SAMHD1: variants seen among roughly 807,000 people sequenced by gnomAD.
SAMHD1 encodes the protein SAM and HD domain containing deoxynucleoside triphosphate triphosphohydrolase 1, also known as deoxynucleoside triphosphate triphosphohydrolase SAMHD1.
A neutral mutation model predicts 79.6 loss-of-function variants in SAMHD1; 54 were observed. That is an observed-to-expected ratio of 0.68 (90% CI 0.55 to 0.85). The LOEUF is 0.85. Ranked by LOEUF, SAMHD1 falls within the 40% of genes least tolerant of loss-of-function variation. SAMHD1 has a pLI of 0.00. For missense variants in SAMHD1, 663 were observed against 782.7 expected (o/e 0.85, Z 1.82); for synonymous variants, 260 against 264.1 (o/e 0.98, Z 0.15).
chr20:36,935,008 C>T, intron 4 of SAMHD1, 21 bp downstream of exon 4: 2 of 1,612,714 alleles, frequency 1.2e-6, no homozygotes, highest in South Asian at 2.2e-5. Flanking sequence ...CTGCAAGTTC[C>T]CCACCCCATT....
chr20:36,919,767 A>T (rs1039840075), intron 6 of SAMHD1, among the ~76,000 whole-genome samples: 5 of 152,058 alleles, frequency 3.3e-5, no homozygotes, highest in Non-Finnish European at 7.3e-5. Flanking sequence ...TGATATAATC[A>T]TTTACAGTTC....
At chr20:36,910,894 TC>T (rs1568766374) in intron 11 of SAMHD1, among the ~76,000 whole-genome samples, 1 of 152,058 alleles carries the variant, frequency 6.6e-6, no homozygotes, top group Non-Finnish European at 1.5e-5. Flanking sequence ...TTTATCAAAG[TC>T]ACTTTATTGG....
In SAMHD1 at chr20:36,892,613, C is replaced by CA. The variant is rs1990103818; in HGVS notation, c.*318dup. The stretch of plus-strand genomic sequence containing the variant: ...TTCGAGTCCAAGCTGGGCAACAGAG[C>CA]AAAACCTTGTCTCTTAAAAAAGAAA... On this transcript the variant is annotated 3_prime_UTR_variant, in exon 16 of 16. Coordinates refer to ENST00000646673, the MANE Select transcript of SAMHD1 (RefSeq NM_015474.4). The CA allele has an allele frequency of 2.8e-6, 1 of 358,654 alleles. No homozygotes were observed. Among genetic ancestry groups the CA allele is most frequent in the African/African-American group, 2.1e-5 (1 of 47,222 alleles). 22.2% of individuals were successfully genotyped at this position (358,654 alleles called of 1,614,324 possible).
At chr20:36,940,775 C>A (rs905868345) in intron 3 of SAMHD1, 30 of 506,596 alleles carry the variant, frequency 5.9e-5, no homozygotes, top group Non-Finnish European at 1.0e-4. Flanking sequence ...AGACTTGAAG[C>A]AAATTAGGCA....
At position 36,912,771 on chromosome 20, in the gene SAMHD1, TTTTTTTA is replaced by T. The variant is rs1291506497; in HGVS notation, c.1063-226_1063-220del. Among the ~76,000 whole-genome samples the T allele has an allele frequency of 7.6e-3, 963 of 126,860 alleles. 33 individuals are homozygous for T. The East Asian group carries it at 0.11, about 15-fold the overall frequency. The allele number at this position is 126,860 out of a possible 152,430, so 83.2% of individuals were successfully genotyped here. On this transcript the variant is annotated intron_variant, in intron 9 of 15. Coordinates refer to ENST00000646673, the MANE Select transcript of SAMHD1 (RefSeq NM_015474.4). ...CTTTCATTTTTTTTTTTTTTTTTTT[TTTTTTTA>T]AAAGATGAGGTCTTGCTATGTTGCT...
chr20:36,897,121 G>A (rs547093590), intron 15 of SAMHD1, among the ~76,000 whole-genome samples: 24 of 152,246 alleles, frequency 1.6e-4, no homozygotes, highest in African/African-American at 5.1e-4. Flanking sequence ...ATAAAGCACC[G>A]ACATCCTGAG....
At chr20:36,926,995 ACTTC>A in intron 6 of SAMHD1, 183 bp downstream of exon 6, 1 of 561,978 alleles carries the variant, frequency 1.8e-6, no homozygotes, top group Non-Finnish European at 3.1e-6. Context: ...GATAACGATA[ACTTC>A]CTTACAGACT....
intron 7 of SAMHD1, among the ~76,000 whole-genome samples, chr20:36,919,112 T>C (rs1394399858): frequency 6.6e-6 from 1 of 152,150 alleles, no homozygotes; most frequent in African/African-American, 2.4e-5. Context: ...CTCCAGCCTG[T>C]GTGACAGAGT....
chr20:36,895,129 C>T (rs1990174549), intron 15 of SAMHD1, among the ~76,000 whole-genome samples: 2 of 152,058 alleles, frequency 1.3e-5, no homozygotes, highest in South Asian at 4.2e-4. Flanking sequence ...TGCTTAAAAC[C>T]CTTCAGTGTC....
At chr20:36,943,757 G>T (rs1423230844) in intron 2 of SAMHD1, among the ~76,000 whole-genome samples, 2 of 152,140 alleles carry the variant, frequency 1.3e-5, no homozygotes, top group African/African-American at 4.8e-5. Flanking sequence ...AGGGGACTTT[G>T]AGAGGACTGA....
At chr20:36,904,484 C>A in intron 12 of SAMHD1, 5 of 456,418 alleles carry the variant, frequency 1.1e-5, no homozygotes, top group Non-Finnish European at 2.0e-5. Context: ...TTTGGGAGGC[C>A]CAGGTGGGCG....
chr20:36,904,585 C>T (rs539020334), intron 12 of SAMHD1: 332 of 331,758 alleles, frequency 1.0e-3, no homozygotes, highest in Non-Finnish European at 1.7e-3. Context: ...GGCGTGGTGG[C>T]GGGTGCCTGT....
intron 5 of SAMHD1, 64 bp downstream of exon 5, chr20:36,930,696 C>T (rs780098117): frequency 3.0e-5 from 33 of 1,083,252 alleles, no homozygotes; most frequent in East Asian, 4.7e-5. Context: ...GATTTTTTAA[C>T]GTCAAAGAGA....
intron 2 of SAMHD1, chr20:36,946,533 G>T: frequency 1.9e-6 from 1 of 513,278 alleles, no homozygotes. Flanking sequence ...GTTGCAGTGA[G>T]CCGAGATACT....
chr20:36,925,748 T>G (rs2063532344), intron 6 of SAMHD1, among the ~76,000 whole-genome samples: 1 of 152,172 alleles, frequency 6.6e-6, no homozygotes, highest in Non-Finnish European at 1.5e-5. Context: ...GAAATAGTAT[T>G]CAACATACAT....
intron 13 of SAMHD1, 152 bp from the exon 14 acceptor site, chr20:36,898,696 G>A (rs1300500398): frequency 1.1e-5 from 7 of 661,400 alleles, no homozygotes; most frequent in Non-Finnish European, 1.9e-5. Flanking sequence ...GGTGAATCAC[G>A]AGGTCAGGAG....
intron 15 of SAMHD1, chr20:36,897,595 T>G: frequency 1.7e-6 from 1 of 582,180 alleles, no homozygotes; most frequent in Non-Finnish European, 3.0e-6. Context: ...TTTTTATTAT[T>G]AGGACAATAA....
At chr20:36,924,909 A>G (rs182511366) in intron 6 of SAMHD1, among the ~76,000 whole-genome samples, 2 of 152,202 alleles carry the variant, frequency 1.3e-5, no homozygotes, top group East Asian at 3.9e-4. Flanking sequence ...CTGTAATCCC[A>G]GCGCTTTGGG....
In SAMHD1 at chr20:36,916,787, G is replaced by A. The variant is rs770005027; in HGVS notation, c.997C>T (p.Arg333Cys). ...CAGACACGGGCAAACTTAATAAAGC[G>A]CTTGTAATCAAAATTATTTTGGATT... The part of the protein sequence containing the change: ...LGIQNNFDYK[R>C]FIKFARVCEV... Residue 333 changes from arginine (R) to cysteine (C), a missense_variant, in exon 9 of 16, where the codon CGC (arginine) becomes TGC (cysteine). Transcript: ENST00000646673. The A allele has an allele frequency of 2.1e-5, 34 of 1,613,866 alleles. No individual in the cohort carries two copies. The highest frequency in any genetic ancestry group is 1.0e-4 in the Admixed American group (6 of 59,976).
Sources: allele counts gnomAD v4.1 joint callset (sites outside exome capture counted in the v4.1 genomes callset), GRCh38; gene constraint gnomAD v4.1.1; transcripts MANE v1.5; gene names NCBI Gene and HGNC (gene_info 2026-07-23, HGNC 2026-07-21).